Variants in SPATA1 observed in about 807,000 individuals in gnomAD.
SPATA1 encodes spermatogenesis associated 1, also known as spermatogenesis-associated protein 1.
SPATA1 carries 57 observed loss-of-function variants against 59.6 expected under a neutral mutation model. The ratio of observed to expected loss-of-function variants is 0.96; its 90% CI spans 0.77 to 1.19. SPATA1 has a LOEUF of 1.19. SPATA1 is among the 50% of genes most tolerant of loss of function. SPATA1 has a pLI of 0.00. For synonymous variants in SPATA1, 147 were observed against 163.9 expected, an observed-to-expected ratio of 0.90 and a Z score of 0.79; for missense variants, 448 against 480.7, an observed-to-expected ratio of 0.93 and a Z score of 0.64.
At chr1:84,560,148 A>G (rs986350969) in intron 4 of SPATA1, among the ~76,000 whole-genome samples, 1 of 151,464 alleles carries the variant, frequency 6.6e-6, no homozygotes, top group Admixed American at 6.6e-5. Flanking sequence ...GAAAGAAAGA[A>G]AGAGAAACTA....
intron 8 of SPATA1, among the ~76,000 whole-genome samples, chr1:84,542,715 C>A (rs866299936): frequency 1.6e-4 from 24 of 152,188 alleles, no homozygotes; most frequent in South Asian, 1.2e-3. Context: ...ATGTTGTAGG[C>A]ATAAATTTGG....
At chr1:84,542,113 G>A (rs943550373) in intron 8 of SPATA1, among the ~76,000 whole-genome samples, 2 of 152,008 alleles carry the variant, frequency 1.3e-5, no homozygotes, top group African/African-American at 2.4e-5. Flanking sequence ...ACAGGCGTGC[G>A]ACACCACACC....
At chr1:84,515,395 G>GT (rs1553217643) in intron 1 of SPATA1, among the ~76,000 whole-genome samples, 1 of 151,918 alleles carries the variant, frequency 6.6e-6, no homozygotes, top group African/African-American at 2.4e-5. Flanking sequence ...AACAATTAGT[G>GT]GTACTTGTTA....
rs1260280158 is a variant in SPATA1 at position 84,511,655 on chromosome 1, CTTTTTTTTTTTTTTTCTTTCTTTCTTT to C, written c.-137-4552_-137-4526del. Reference sequence around the variant, plus strand: ...CTGGAGTGCCCTCAGGCATTTCAGGCTTTTTTTTTTTTTTTCTTTCTTTCTTTTTTTTTTTTTTTTTTTGAGACAGAG... The same window carrying C: ...CTGGAGTGCCCTCAGGCATTTCAGGCTTTTTTTTTTTTTTTTGAGACAGAG... On this transcript the variant is annotated intron_variant, in intron 1 of 12. Transcript: ENST00000490879. Among the ~76,000 whole-genome samples, 168 of 81,142 alleles carry C rather than the reference CTTTTTTTTTTTTTTTCTTTCTTTCTTT, an allele frequency of 2.1e-3. 4 individuals are homozygous for C. Among genetic ancestry groups the C allele is most frequent in the African/African-American group, 7.3e-3 (159 of 21,902 alleles). 53.2% of individuals were successfully genotyped at this position (81,142 alleles called of 152,430 possible). A position where few individuals can be genotyped will look rare whatever the true frequency, so the allele number is the denominator to read the frequency against.
In SPATA1 at chr1:84,550,807, C is replaced by CA. The variant is rs572940816; in HGVS notation, c.1224+285dup. On this transcript the variant is annotated intron_variant, in intron 12 of 12. Coordinates refer to ENST00000490879, the Ensembl canonical transcript of SPATA1. ...AGGAACCTGTGAGTCAATATATTCT[C>CA]AAAAAAAATTTTAAGTAGTTTTCCT... is the stretch of plus-strand genomic sequence containing the variant. 184 of 1,015,862 alleles carry CA rather than the reference C, an allele frequency of 1.8e-4. 1 individual carries two copies. The African/African-American group carries it at 2.8e-3, about 15-fold the overall frequency. 62.9% of individuals were successfully genotyped at this position (1,015,862 alleles called of 1,614,324 possible).
At chr1:84,516,395 G>A (rs764720233) in exon 2 of SPATA1, 1 of 1,480,686 alleles carries the variant, frequency 6.8e-7, no homozygotes. Flanking sequence ...CCTCATCAGA[G>A]GTAAGAAAAT....
chr1:84,513,400 G>A (rs1412385257), intron 1 of SPATA1, among the ~76,000 whole-genome samples: 3 of 152,252 alleles, frequency 2.0e-5, no homozygotes, highest in African/African-American at 7.2e-5. Flanking sequence ...CTCCCAAAGT[G>A]TTGGGATTAC....
chr1:84,515,402 G>T (rs1475542144), intron 1 of SPATA1, among the ~76,000 whole-genome samples: 1 of 152,054 alleles, frequency 6.6e-6, no homozygotes, highest in Non-Finnish European at 1.5e-5. Context: ...AGTGGTACTT[G>T]TTAGGGTTTT....
In SPATA1 at chr1:84,532,989, T is replaced by A. The variant is rs771084133; in HGVS notation, c.659+15T>A. Reference sequence around the variant, plus strand: ...ACTAAAAAAAGGTAATTAGTATAGATGCTGATTCCACATGCCATAATCTAA... The same window carrying A: ...ACTAAAAAAAGGTAATTAGTATAGAAGCTGATTCCACATGCCATAATCTAA... On this transcript the variant is annotated intron_variant, in intron 7 of 12. Coordinates refer to ENST00000490879, the Ensembl canonical transcript of SPATA1. 1.3e-5 allele frequency: 20 copies of A among 1,493,148 alleles called. No homozygotes were observed. Among genetic ancestry groups the A allele is most frequent in the Non-Finnish European group, 9.1e-7 (1 of 1,096,284 alleles). The allele number at this position is 1,493,148 out of a possible 1,614,324, so 92.5% of individuals were successfully genotyped here.
chr1:84,560,097 AAAAGAAAGAAAG>A (rs59549626), intron 4 of SPATA1, among the ~76,000 whole-genome samples: 1,858 of 114,642 alleles, frequency 0.016, 62 homozygotes, highest in East Asian at 0.13. Flanking sequence ...AAAAAAAAAA[AAAAGAAAGAAAG>A]AAAGAAAGAA....
At chr1:84,507,277 CAT>C (rs1404137475) in intron 1 of SPATA1, 3 of 152,170 alleles carry the variant, frequency 2.0e-5, no homozygotes, top group Non-Finnish European at 4.4e-5. Flanking sequence ...ATTAGGGAAG[CAT>C]GTGTAATTGC....
chr1:84,562,517 C>T (rs1570470911), intron 4 of SPATA1, among the ~76,000 whole-genome samples: 1 of 152,132 alleles, frequency 6.6e-6, no homozygotes, highest in South Asian at 2.1e-4. Flanking sequence ...CTGAACTTCA[C>T]TTATATCATT....
At chr1:84,511,679 C>CTTTTTTTTT (rs1310907189) in intron 1 of SPATA1, among the ~76,000 whole-genome samples, 24 of 67,594 alleles carry the variant, frequency 3.6e-4, no homozygotes, top group Non-Finnish European at 5.0e-4. Context: ...TTCTTTCTTT[C>CTTTTTTTTT]TTTTTTTTTT....
intron 1 of SPATA1, among the ~76,000 whole-genome samples, chr1:84,510,833 A>T (rs1009936411): frequency 3.3e-5 from 5 of 152,220 alleles, no homozygotes; most frequent in Non-Finnish European, 7.3e-5. Flanking sequence ...GTTCCGCCAT[A>T]AAAAAGAATG....
chr1:84,522,107 A>G (rs771069118), intron 3 of SPATA1, among the ~76,000 whole-genome samples: 5 of 152,248 alleles, frequency 3.3e-5, no homozygotes, highest in Non-Finnish European at 7.3e-5. Flanking sequence ...TAAAATTTGG[A>G]AGTAAATTAG....
exon 13 of SPATA1, chr1:84,553,906 C>CT (rs1488003925): frequency 1.3e-5 from 2 of 152,138 alleles, no homozygotes; most frequent in African/African-American, 4.8e-5. Context: ...AGAAAACAGA[C>CT]TTTATTACAT....
At chr1:84,541,284 T>G (rs1283688896) in intron 8 of SPATA1, among the ~76,000 whole-genome samples, 3 of 151,848 alleles carry the variant, frequency 2.0e-5, no homozygotes, top group African/African-American at 7.3e-5. Flanking sequence ...TTTTCTAAAA[T>G]TATAATTTTA....
intron 2 of SPATA1, among the ~76,000 whole-genome samples, chr1:84,518,459 T>A (rs539500221): frequency 2.0e-5 from 3 of 152,226 alleles, no homozygotes; most frequent in Non-Finnish European, 4.4e-5. Flanking sequence ...GAATATTTTA[T>A]TCAGAGGGAG....
At chr1:84,523,143 G>C (rs11163997) in intron 4 of SPATA1, among the ~76,000 whole-genome samples, 5,269 of 152,164 alleles carry the variant, frequency 0.035, 126 homozygotes, top group African/African-American at 0.053. Flanking sequence ...GACTTCAGGT[G>C]ATCTCCCTGC....
Sources: allele counts gnomAD v4.1 joint callset (sites outside exome capture counted in the v4.1 genomes callset), GRCh38; gene constraint gnomAD v4.1.1; transcripts MANE v1.5; gene names NCBI Gene and HGNC (gene_info 2026-07-23, HGNC 2026-07-21).